The following CDKAL1 variants were observed in gnomAD, a reference collection of about 807,000 sequenced individuals.
CDKAL1 encodes CDKAL1 threonylcarbamoyladenosine tRNA methylthiotransferase, also known as threonylcarbamoyladenosine tRNA methylthiotransferase.
CDKAL1 carries 32 observed loss-of-function variants against 68.2 expected under a neutral mutation model. The ratio of observed to expected loss-of-function variants is 0.47; its 90% CI spans 0.35 to 0.63. The LOEUF (loss-of-function observed/expected upper bound fraction) is 0.63. Among genes scored for constraint, CDKAL1 ranks in the 30% least tolerant of loss-of-function variants. The pLI is 0.00. For missense variants in CDKAL1, 606 were observed against 696.7 expected, an observed-to-expected ratio of 0.87 and a Z score of 1.47; for synonymous variants, 234 against 244.3, an observed-to-expected ratio of 0.96 and a Z score of 0.39.
chr6:20,626,745 G>T lies in CDKAL1; in HGVS notation c.287-22548G>T, dbSNP rs371785086. 2.6e-5 allele frequency among the ~76,000 whole-genome samples: 4 copies of T among 152,136 alleles called. No individual in the cohort carries two copies. In the East Asian group the frequency reaches 7.7e-4, roughly 29 times the overall value. The stretch of plus-strand genomic sequence containing the variant: ...TTTTCTTGGCCTTTCCTTACTTGTT[G>T]CAAGATGGCTGCTTCTGCTGTAGGC... On this transcript the variant is annotated intron_variant, in intron 4 of 15. Coordinates refer to ENST00000274695, the MANE Select transcript of CDKAL1 (RefSeq NM_017774.3).
intron 9 of CDKAL1, among the ~76,000 whole-genome samples, chr6:20,907,842 G>A (rs1235007405): frequency 6.6e-6 from 1 of 152,190 alleles, no homozygotes. Flanking sequence ...AGCTGCTTCT[G>A]TGGGTTTGCT....
At chr6:21,103,067 T>C (rs1562033320) in intron 12 of CDKAL1, among the ~76,000 whole-genome samples, 1 of 152,262 alleles carries the variant, frequency 6.6e-6, no homozygotes, top group Non-Finnish European at 1.5e-5. Context: ...TTATCATTTT[T>C]AAGAATCCGT....
Position 20,769,112 on chromosome 6 carries a change from G to A in CDKAL1, c.517+10469G>A, listed in dbSNP as rs915882054. Among the ~76,000 whole-genome samples the A allele has an allele frequency of 3.3e-5, 5 of 152,112 alleles. No individual in the cohort carries two copies. In the South Asian group the frequency reaches 8.3e-4, roughly 25 times the overall value. ...CTTATACTCACCCAGGACCATGTAC[G>A]GTTCCAGGTTCATTACCTATGCCTT... is the stretch of plus-strand genomic sequence containing the variant. On this transcript the variant is annotated intron_variant, in intron 7 of 15. Transcript: ENST00000274695.
At chr6:20,809,125 G>C (rs1171730893) in intron 8 of CDKAL1, among the ~76,000 whole-genome samples, 2 of 152,226 alleles carry the variant, frequency 1.3e-5, no homozygotes, top group East Asian at 3.9e-4. Flanking sequence ...CAAAATCTGT[G>C]ATCTTTTTGC....
chr6:20,751,253 A>T (rs1200755839), intron 6 of CDKAL1, among the ~76,000 whole-genome samples: 1 of 152,090 alleles, frequency 6.6e-6, no homozygotes, highest in Non-Finnish European at 1.5e-5. Context: ...TTTTTTTTAA[A>T]GCCTAGTTGG....
At position 20,752,207 on chromosome 6, in the gene CDKAL1, ACTTCT is replaced by A. The variant is rs554255661; in HGVS notation, c.469-6382_469-6378del. 2.7e-3 allele frequency among the ~76,000 whole-genome samples: 413 copies of A among 151,508 alleles called. 1 individual carries two copies. The highest frequency in any genetic ancestry group is 9.7e-3 in the African/African-American group (402 of 41,310). On this transcript the variant is annotated intron_variant, in intron 6 of 15. Coordinates refer to ENST00000274695, the MANE Select transcript of CDKAL1 (RefSeq NM_017774.3). ...ATATTATCTTTAAATCATTTAATAA[ACTTCT>A]CTTCTGTTTGTAATCAAGTACTTAC...
chr6:21,226,115 T>C (rs1260319018), intron 15 of CDKAL1, among the ~76,000 whole-genome samples: 2 of 152,198 alleles, frequency 1.3e-5, no homozygotes, highest in Admixed American at 1.3e-4. Context: ...ATCTGTGCCT[T>C]GTGGCGTGAA....
intron 9 of CDKAL1, among the ~76,000 whole-genome samples, chr6:20,881,409 A>G (rs922989124): frequency 3.9e-5 from 6 of 152,132 alleles, no homozygotes; most frequent in South Asian, 2.1e-4. Flanking sequence ...AAATTGATAA[A>G]CTTTCATTTT....
intron 11 of CDKAL1, among the ~76,000 whole-genome samples, chr6:21,040,238 T>C (rs145609620): frequency 2.7e-4 from 41 of 152,336 alleles, no homozygotes; most frequent in African/African-American, 9.1e-4. Flanking sequence ...ACGAGTATTA[T>C]ATCCCTAAAG....
chr6:21,190,453 T>G (rs1778189035), intron 13 of CDKAL1, among the ~76,000 whole-genome samples: 1 of 151,938 alleles, frequency 6.6e-6, no homozygotes, highest in Non-Finnish European at 1.5e-5. Context: ...CTGCACCATC[T>G]GCCTCCCAGG....
intron 4 of CDKAL1, among the ~76,000 whole-genome samples, chr6:20,616,725 C>T (rs951554135): frequency 6.6e-6 from 1 of 151,756 alleles, no homozygotes; most frequent in Admixed American, 6.6e-5. Context: ...TTTTTATGGC[C>T]AGGAGCAGTG....
chr6:20,645,816 A>G (rs970396547), intron 4 of CDKAL1, among the ~76,000 whole-genome samples: 1 of 150,994 alleles, frequency 6.6e-6, no homozygotes, highest in African/African-American at 2.4e-5. Context: ...ATTTATTTTT[A>G]CTTTTTAAAT....
chr6:20,633,938 G>A (rs1051948584), intron 4 of CDKAL1, among the ~76,000 whole-genome samples: 1 of 152,188 alleles, frequency 6.6e-6, no homozygotes, highest in Admixed American at 6.5e-5. Context: ...TTTTGACCAA[G>A]TAAGTTTGCT....
intron 4 of CDKAL1, among the ~76,000 whole-genome samples, chr6:20,561,750 T>G (rs1214028164): frequency 6.6e-6 from 1 of 152,190 alleles, no homozygotes; most frequent in Non-Finnish European, 1.5e-5. Flanking sequence ...AACAAGTATA[T>G]TTCTTGAATA....
intron 8 of CDKAL1, among the ~76,000 whole-genome samples, chr6:20,839,939 A>C (rs964779405): frequency 1.3e-5 from 2 of 152,252 alleles, no homozygotes; most frequent in African/African-American, 4.8e-5. Context: ...TATAGCAGAT[A>C]GTAAATAAGG....
chr6:20,590,694 T>G (rs1337967304), intron 4 of CDKAL1, among the ~76,000 whole-genome samples: 1 of 152,200 alleles, frequency 6.6e-6, no homozygotes, highest in African/African-American at 2.4e-5. Flanking sequence ...AACTCATCCT[T>G]TTTATGGCTG....
intron 4 of CDKAL1, among the ~76,000 whole-genome samples, chr6:20,584,817 C>A (rs1040468414): frequency 1.3e-5 from 2 of 152,168 alleles, no homozygotes; most frequent in Admixed American, 6.5e-5. Context: ...TTTCCCCGCA[C>A]CAAATCTACC....
At chr6:21,012,700 C>A (rs905044966) in intron 11 of CDKAL1, among the ~76,000 whole-genome samples, 1 of 152,176 alleles carries the variant, frequency 6.6e-6, no homozygotes, top group African/African-American at 2.4e-5. Context: ...TCTGATGGCC[C>A]CTGGCTTTCC....
chr6:20,957,244 A>C (rs1039709644), intron 10 of CDKAL1, among the ~76,000 whole-genome samples: 1 of 152,186 alleles, frequency 6.6e-6, no homozygotes, highest in African/African-American at 2.4e-5. Context: ...AGGTAAGTTC[A>C]AAAAGGAAGA....
Sources: gnomAD v4.1 joint callset for allele counts (sites outside exome capture counted in the v4.1 genomes callset) on GRCh38, gnomAD v4.1.1 for gene constraint, MANE v1.5 for transcripts, NCBI Gene and HGNC (gene_info 2026-07-23, HGNC 2026-07-21) for gene names.